Variants in ATAD2B observed in about 807,000 individuals in gnomAD.
ATAD2B encodes ATPase family AAA domain containing 2B.
ATAD2B carries 40 observed loss-of-function variants against 167.6 expected under a neutral mutation model. The ratio of observed to expected loss-of-function variants is 0.24; its 90% CI spans 0.19 to 0.31. The LOEUF is 0.31. Ranked by LOEUF, ATAD2B falls within the 10% of genes least tolerant of loss-of-function variation. ATAD2B has a pLI of 1.00. For synonymous variants in ATAD2B, 579 were observed against 596.5 expected, an observed-to-expected ratio of 0.97 and a Z score of 0.43; for missense variants, 1,242 against 1,757.2, an observed-to-expected ratio of 0.71 and a Z score of 5.24.
the ATAD2B span, chr2:23,703,507 C>A: frequency 9.4e-7 from 1 of 1,065,302 alleles, no homozygotes; most frequent in Non-Finnish European, 1.3e-6. Context: ...TAGAGGGTGG[C>A]AGGAGTTGCC....
chr2:23,904,003 C>T (rs144706216), intron 1 of ATAD2B, among the ~76,000 whole-genome samples: 181 of 151,536 alleles, frequency 1.2e-3, no homozygotes, highest in African/African-American at 4.1e-3. Flanking sequence ...CAGGTGATGA[C>T]GGGAGAAGTA....
At chr2:23,893,803 C>G (rs527344444) in intron 2 of ATAD2B, among the ~76,000 whole-genome samples, 4 of 151,290 alleles carry the variant, frequency 2.6e-5, no homozygotes, top group Non-Finnish European at 5.9e-5. Flanking sequence ...TCGAGTAGAT[C>G]GGACTACAAG....
chr2:23,773,742 C>A (rs867338881), intron 22 of ATAD2B, among the ~76,000 whole-genome samples: 20 of 152,106 alleles, frequency 1.3e-4, no homozygotes, highest in South Asian at 2.1e-4. Flanking sequence ...AGCAAAAAAA[C>A]CCCATATATT....
chr2:23,823,140 G>A (rs915914077), intron 16 of ATAD2B, 118 bp downstream of exon 16: 33 of 897,880 alleles, frequency 3.7e-5, no homozygotes, highest in Non-Finnish European at 4.8e-5. Flanking sequence ...GGAATATATA[G>A]TACTGAATAA....
chr2:23,781,705 T>C (rs1276005217), intron 22 of ATAD2B, among the ~76,000 whole-genome samples: 5 of 149,934 alleles, frequency 3.3e-5, no homozygotes, highest in Admixed American at 3.3e-4. Context: ...TGACCAAACA[T>C]AATCCTGACT....
chr2:23,865,982 T>C (rs1009676200), intron 10 of ATAD2B: 10 of 931,510 alleles, frequency 1.1e-5, no homozygotes, highest in Non-Finnish European at 9.0e-6. Flanking sequence ...TACTTGAAAA[T>C]GTTTTACAAT....
intron 14 of ATAD2B, among the ~76,000 whole-genome samples, chr2:23,829,352 T>C (rs949591382): frequency 6.6e-6 from 1 of 152,228 alleles, no homozygotes; most frequent in African/African-American, 2.4e-5. Flanking sequence ...TTAAACAAAC[T>C]TTACATTTCA....
intron 1 of ATAD2B, among the ~76,000 whole-genome samples, chr2:23,899,776 A>G (rs989598839): frequency 2.0e-5 from 3 of 151,358 alleles, no homozygotes; most frequent in African/African-American, 7.3e-5. Context: ...TTTTTACTAG[A>G]GACCGGGTTT....
In ATAD2B at chr2:23,786,094, T is replaced by A. The variant is rs767467464; in HGVS notation, c.2906A>T (p.Asp969Val). The part of the protein sequence containing the change: ...TLRELRLFLR[D>V]VTKRLATDKR... ...ATCTGTGGCCAGCCTCTTGGTTACA[T>A]CCCTGAGAAACAACCGCAACTCTCT... is the stretch of plus-strand genomic sequence containing the variant. The change falls in exon 21 of 28, where the codon GAT becomes GTT. Residue 969 changes from aspartate (D) to valine (V), a missense_variant. Coordinates refer to ENST00000238789, the MANE Select transcript of ATAD2B (RefSeq NM_017552.4). 1 of 1,612,150 alleles carries A rather than the reference T, an allele frequency of 6.2e-7. No individual in the cohort carries two copies. The highest frequency in any genetic ancestry group is 8.5e-7 in the Non-Finnish European group (1 of 1,179,054).
chr2:23,693,187 G>T, the ATAD2B span: 2 of 1,453,878 alleles, frequency 1.4e-6, no homozygotes, highest in East Asian at 2.5e-5. Context: ...GTTCAGAGAA[G>T]GATCTAGGGT....
chr2:23,681,629 G>T, the ATAD2B span, among the ~76,000 whole-genome samples: 1 of 152,166 alleles, frequency 6.6e-6, no homozygotes, highest in Non-Finnish European at 1.5e-5. The surrounding 1 kb of genome is among the most constrained non-coding windows in gnomAD (Gnocchi z 4.2). Context: ...CCAAGCAGGT[G>T]TCTCTGCCCT....
At chr2:23,832,415 T>C (rs1689202754) in intron 14 of ATAD2B, 1 of 304,172 alleles carries the variant, frequency 3.3e-6, no homozygotes, top group Non-Finnish European at 6.6e-6. Context: ...ATGTTCAAGA[T>C]CCATGCTGTG....
chr2:23,763,595 G>C (rs549465306), intron 23 of ATAD2B, among the ~76,000 whole-genome samples: 44 of 152,040 alleles, frequency 2.9e-4, no homozygotes, highest in Admixed American at 5.2e-4. Flanking sequence ...AATGTTTTGG[G>C]GTTTTTTTTG....
intron 13 of ATAD2B, among the ~76,000 whole-genome samples, chr2:23,845,972 A>G (rs1256032946): frequency 1.4e-4 from 14 of 101,216 alleles, no homozygotes; most frequent in Non-Finnish European, 2.8e-4. Context: ...AAAAATTACT[A>G]AACTATACAC....
At chr2:23,760,986 A>G (rs1572646961) in intron 24 of ATAD2B, among the ~76,000 whole-genome samples, 1 of 152,228 alleles carries the variant, frequency 6.6e-6, no homozygotes, top group Non-Finnish European at 1.5e-5. Context: ...AACAAAACTC[A>G]TATTTGTAGA....
chr2:23,851,814 T>A (rs1692616741), intron 13 of ATAD2B, among the ~76,000 whole-genome samples: 1 of 151,462 alleles, frequency 6.6e-6, no homozygotes, highest in Non-Finnish European at 1.5e-5. Context: ...AAAGGTAGTA[T>A]AAAATTGGAA....
intron 22 of ATAD2B, among the ~76,000 whole-genome samples, chr2:23,768,786 ATTAT>A (rs200157059): frequency 6.6e-6 from 1 of 152,174 alleles, no homozygotes; most frequent in East Asian, 1.9e-4. Context: ...ACTCAGCATA[ATTAT>A]TTAAGCATAA....
At chr2:23,716,633 C>T in the ATAD2B span, among the ~76,000 whole-genome samples, 1 of 152,190 alleles carries the variant, frequency 6.6e-6, no homozygotes, top group Non-Finnish European at 1.5e-5. Context: ...GTTTCACTTC[C>T]CAAGAATGGA....
intron 2 of ATAD2B, among the ~76,000 whole-genome samples, chr2:23,890,281 T>C (rs778130922): frequency 6.6e-6 from 1 of 151,544 alleles, no homozygotes; most frequent in Non-Finnish European, 1.5e-5. Flanking sequence ...ACTACGCATC[T>C]TCAGATTGTC....
Sources: allele counts gnomAD v4.1 joint callset (sites outside exome capture counted in the v4.1 genomes callset), GRCh38; gene constraint gnomAD v4.1.1; non-coding constraint Gnocchi (gnomAD v3.1); transcripts MANE v1.5; gene names NCBI Gene and HGNC (gene_info 2026-07-23, HGNC 2026-07-21).